Variants in NRN1 observed in about 807,000 individuals in gnomAD.
The protein encoded by NRN1 is neuritin 1.
A neutral mutation model predicts 15.0 loss-of-function variants in NRN1; 4 were observed. The observed-to-expected ratio is 0.27, with a 90% confidence interval of 0.13 to 0.61. The LOEUF (loss-of-function observed/expected upper bound fraction) is 0.61. Among genes scored for constraint, NRN1 ranks in the 20% least tolerant of loss-of-function variants. The pLI, the probability that NRN1 is intolerant of heterozygous loss-of-function variation, is 0.87. For synonymous variants in NRN1, 85 were observed against 79.8 expected (o/e 1.07, Z -0.35); for missense variants, 134 against 181.9 (o/e 0.74, Z 1.51).
Position 5,998,810 on chromosome 6 carries a change from A to G in NRN1, c.*166T>C, listed in dbSNP as rs909611151. Reference sequence around the variant, plus strand: ...ACATTTGGCAAATAAAACACAAGAAATCAAACGAAATAAAAAAGAGAATCA... The same window carrying G: ...ACATTTGGCAAATAAAACACAAGAAGTCAAACGAAATAAAAAAGAGAATCA... On this transcript the variant is annotated 3_prime_UTR_variant, in exon 3 of 3. Coordinates refer to ENST00000244766, the MANE Select transcript of NRN1 (RefSeq NM_016588.3). The G allele has an allele frequency of 3.2e-6, 2 of 626,074 alleles. No individual in the cohort carries two copies. The highest frequency in any genetic ancestry group is 3.7e-5 in the African/African-American group (2 of 54,426). 38.8% of individuals were successfully genotyped at this position (626,074 alleles called of 1,614,324 possible). A position where few individuals can be genotyped will look rare whatever the true frequency, so the allele number is the denominator to read the frequency against.
chr6:6,002,607 T>G (rs1396374206), intron 1 of NRN1, 110 bp from the exon 2 acceptor site: 16 of 1,423,788 alleles, frequency 1.1e-5, no homozygotes, highest in Non-Finnish European at 1.5e-5. Flanking sequence ...TCGGGCGGCC[T>G]CTCCCAGCGC....
At chr6:6,002,881 C>G (rs537205857) in intron 1 of NRN1, 1 of 381,636 alleles carries the variant, frequency 2.6e-6, no homozygotes, top group African/African-American at 2.1e-5. Context: ...TCTCCCAACA[C>G]TTCCCCAGCA....
In NRN1 at chr6:6,006,859, A is replaced by G; in HGVS notation, c.-110T>C. 1 of 884,158 alleles carries G rather than the reference A, an allele frequency of 1.1e-6. No individual in the cohort carries two copies. The highest frequency in any genetic ancestry group is 1.9e-6 in the Non-Finnish European group (1 of 525,164). 54.8% of individuals were successfully genotyped at this position (884,158 alleles called of 1,614,324 possible). A position where few individuals can be genotyped will look rare whatever the true frequency, so the allele number is the denominator to read the frequency against. On this transcript the variant is annotated 5_prime_UTR_variant, in exon 1 of 3. Coordinates refer to ENST00000244766, the MANE Select transcript of NRN1 (RefSeq NM_016588.3). Reference sequence around the variant, plus strand: ...TGCCAACAAGTTCCGGGAGCGACAGAGACTTTATGCACTGGGAAGGCAGAG... The same window carrying G: ...TGCCAACAAGTTCCGGGAGCGACAGGGACTTTATGCACTGGGAAGGCAGAG...
At chr6:5,999,463 G>C (rs544496594) in intron 2 of NRN1, among the ~76,000 whole-genome samples, 2 of 152,362 alleles carry the variant, frequency 1.3e-5, no homozygotes, top group South Asian at 4.1e-4. Context: ...TCCAGTTGCC[G>C]GGAGAGGACT....
rs968952574 is a variant in NRN1 at position 5,998,751 on chromosome 6, A to G, written c.*225T>C. The G allele has an allele frequency of 2.6e-5, 14 of 530,336 alleles. No homozygotes were observed. In the Admixed American group the frequency reaches 4.5e-4, roughly 17 times the overall value. The allele number at this position is 530,336 out of a possible 1,614,324, so 32.9% of individuals were successfully genotyped here. ...GAAGACGGACTAAAGCTGAGGTCCG[A>G]TTTTGGCTGTGCTTGCTTGCTCACT... On this transcript the variant is annotated 3_prime_UTR_variant, in exon 3 of 3. Transcript: ENST00000244766.
Position 5,998,744 on chromosome 6 carries a change from A to G in NRN1, c.*232T>C. ...TGTGTGTGAAGACGGACTAAAGCTGAGGTCCGATTTTGGCTGTGCTTGCTT... is the reference window on the plus strand; with the variant it reads ...TGTGTGTGAAGACGGACTAAAGCTGGGGTCCGATTTTGGCTGTGCTTGCTT... On this transcript the variant is annotated 3_prime_UTR_variant, in exon 3 of 3. Transcript: ENST00000244766. The G allele has an allele frequency of 2.0e-6, 1 of 510,722 alleles. No individual in the cohort carries two copies. Among genetic ancestry groups the G allele is most frequent in the Non-Finnish European group, 3.5e-6 (1 of 287,424 alleles). The allele number at this position is 510,722 out of a possible 1,614,324, so 31.6% of individuals were successfully genotyped here.
At chr6:6,003,110 C>T (rs1582993106) in intron 1 of NRN1, 1 of 973,236 alleles carries the variant, frequency 1.0e-6, no homozygotes, top group East Asian at 3.3e-5. Flanking sequence ...GAATATAGTC[C>T]CTGGAAGCCA....
chr6:6,006,376 C>G (rs977110394), intron 1 of NRN1, among the ~76,000 whole-genome samples: 1 of 152,184 alleles, frequency 6.6e-6, no homozygotes, highest in Non-Finnish European at 1.5e-5. Context: ...AGTACATTGC[C>G]CCAGAGCGCA....
intron 1 of NRN1, chr6:6,004,043 T>C: frequency 8.6e-7 from 1 of 1,169,522 alleles, no homozygotes; most frequent in South Asian, 4.4e-5. Context: ...ACCGAACCCG[T>C]AGCAGCTTCC....
At position 5,998,893 on chromosome 6, in the gene NRN1, CA is replaced by C. The variant is rs1757843887; in HGVS notation, c.*82del. 1.1e-6 allele frequency: 1 copy of C among 942,794 alleles called. No homozygotes were observed. Among genetic ancestry groups the C allele is most frequent in the African/African-American group, 1.6e-5 (1 of 61,280 alleles). 58.4% of individuals were successfully genotyped at this position (942,794 alleles called of 1,614,324 possible). A position where few individuals can be genotyped will look rare whatever the true frequency, so the allele number is the denominator to read the frequency against. Reference sequence around the variant, plus strand: ...GCATCACAGAGAATCACAACGTCCCCAAAGAACTAATGGATCTTCCTCTCGA... The same window carrying C: ...GCATCACAGAGAATCACAACGTCCCCAAGAACTAATGGATCTTCCTCTCGA... On this transcript the variant is annotated 3_prime_UTR_variant, in exon 3 of 3. Coordinates refer to ENST00000244766, the MANE Select transcript of NRN1 (RefSeq NM_016588.3).
At chr6:6,006,932 A>G, upstream of NRN1, 1 of 241,066 alleles carries the variant, frequency 4.1e-6, no homozygotes, top group Non-Finnish European at 7.7e-6. Flanking sequence ...AGAGAGAGAG[A>G]GAGAGAAAGA....
At position 6,006,886 on chromosome 6, in the gene NRN1, G is replaced by C. The variant is rs1157243113; in HGVS notation, c.-137C>G. The C allele has an allele frequency of 2.9e-6, 2 of 681,186 alleles. No homozygotes were observed. Among genetic ancestry groups the C allele is most frequent in the East Asian group, 5.8e-5 (2 of 34,260 alleles). The allele number at this position is 681,186 out of a possible 1,614,324, so 42.2% of individuals were successfully genotyped here. On this transcript the variant is annotated 5_prime_UTR_variant, in exon 1 of 3. Transcript: ENST00000244766. ...ACTTTATGCACTGGGAAGGCAGAGG[G>C]AGGAGAGAAAGAGAGGGAGCGAGGA...
intron 1 of NRN1, chr6:6,003,239 G>A (rs1758010825): frequency 8.1e-7 from 1 of 1,234,592 alleles, no homozygotes; most frequent in Non-Finnish European, 1.0e-6. Flanking sequence ...AGGGCAGCCT[G>A]GACGTCCTGA....
At chr6:6,005,900 A>G (rs1758098542) in intron 1 of NRN1, among the ~76,000 whole-genome samples, 1 of 152,242 alleles carries the variant, frequency 6.6e-6, no homozygotes, top group African/African-American at 2.4e-5. Flanking sequence ...ATTCCTTAAC[A>G]TAAAATGGGG....
intron 2 of NRN1, among the ~76,000 whole-genome samples, chr6:6,001,382 A>G (rs1443038251): frequency 6.6e-6 from 1 of 152,172 alleles, no homozygotes; most frequent in Admixed American, 6.5e-5. Flanking sequence ...GTTTTTTGCA[A>G]AATAAAAGAA....
chr6:6,004,094 G>A (rs748900795), intron 1 of NRN1: 4 of 1,039,998 alleles, frequency 3.8e-6, no homozygotes, highest in Non-Finnish European at 4.7e-6. Context: ...GAAGAGCGAG[G>A]CGGGCCTTGC....
At chr6:6,004,059 C>A in intron 1 of NRN1, 1 of 1,144,604 alleles carries the variant, frequency 8.7e-7, no homozygotes. Context: ...CTTCCGAGAG[C>A]GTACCCGTTT....
Position 6,003,710 on chromosome 6 carries a change from C to T in NRN1, c.56-1213G>A. ...GACTGGAAGGACAGGTACCAGGCTGCGGGCGCGCGGCTGTGGCCATCTCTT... is the reference window on the plus strand; with the variant it reads ...GACTGGAAGGACAGGTACCAGGCTGTGGGCGCGCGGCTGTGGCCATCTCTT... On this transcript the variant is annotated intron_variant, in intron 1 of 2. Transcript: ENST00000244766. The T allele has an allele frequency of 3.2e-6, 4 of 1,234,308 alleles. 1 individual carries two copies. The Middle Eastern group carries it at 6.2e-4, about 192-fold the overall frequency. 76.5% of individuals were successfully genotyped at this position (1,234,308 alleles called of 1,614,324 possible). A position where few individuals can be genotyped will look rare whatever the true frequency, so the allele number is the denominator to read the frequency against.
At chr6:6,001,551 C>T (rs977840496) in intron 2 of NRN1, among the ~76,000 whole-genome samples, 3 of 152,210 alleles carry the variant, frequency 2.0e-5, no homozygotes, top group Admixed American at 1.3e-4. Context: ...CTATGAACTA[C>T]TACCCATCTC....
Sources: gnomAD v4.1 joint callset for allele counts (sites outside exome capture counted in the v4.1 genomes callset) on GRCh38, gnomAD v4.1.1 for gene constraint, MANE v1.5 for transcripts, NCBI Gene and HGNC (gene_info 2026-07-23, HGNC 2026-07-21) for gene names.